The following GSTCD variants were observed in gnomAD, a reference collection of about 807,000 sequenced individuals.
GSTCD encodes glutathione S-transferase C-terminal domain-containing protein.
In GSTCD, 44 loss-of-function variants were observed where a neutral mutation model predicts 68.3. The ratio of observed to expected loss-of-function variants is 0.64; its 90% CI spans 0.51 to 0.83. The LOEUF (loss-of-function observed/expected upper bound fraction) is 0.83. Among genes scored for constraint, GSTCD ranks in the 40% least tolerant of loss-of-function variants. GSTCD has a pLI of 0.00. For missense variants in GSTCD, 739 were observed against 735.9 expected (o/e 1.00, Z -0.05); for synonymous variants, 273 against 255.2 (o/e 1.07, Z -0.67).
chr4:105,712,759 A>T (rs1732574424), intron 1 of GSTCD, among the ~76,000 whole-genome samples: 1 of 152,142 alleles, frequency 6.6e-6, no homozygotes, highest in African/African-American at 2.4e-5. Flanking sequence ...AGAAAAAAAG[A>T]AGTTGAGTGG....
rs900831535 is a variant in GSTCD, at chr4:105,794,845, A to G, written c.1241-28109A>G. On this transcript the variant is annotated intron_variant, in intron 5 of 11. Coordinates refer to ENST00000515279, the MANE Select transcript of GSTCD (RefSeq NM_001370181.1). ...CTTTTATCTATCTATCTATTTATCT[A>G]TCTATCTATCTATCTATCTATCTAT... Among the ~76,000 whole-genome samples, 8 of 88,644 alleles carry G rather than the reference A, an allele frequency of 9.0e-5. No individual in the cohort carries two copies. The East Asian group carries it at 2.0e-3, about 22-fold the overall frequency. 58.2% of individuals were successfully genotyped at this position (88,644 alleles called of 152,430 possible).
At chr4:105,765,854 T>C (rs1734584945) in intron 5 of GSTCD, among the ~76,000 whole-genome samples, 1 of 152,152 alleles carries the variant, frequency 6.6e-6, no homozygotes, top group Non-Finnish European at 1.5e-5. Flanking sequence ...CCTGCCACCA[T>C]GTGAAGAAAG....
At chr4:105,841,678 AAAAAATAC>A (rs1372616253) in intron 10 of GSTCD, among the ~76,000 whole-genome samples, 4 of 149,860 alleles carry the variant, frequency 2.7e-5, no homozygotes, top group Admixed American at 1.3e-4. Flanking sequence ...TCTATTGAAA[AAAAAATAC>A]AAAAAATACA....
chr4:105,822,566 G>A (rs933590220), intron 5 of GSTCD, among the ~76,000 whole-genome samples: 3 of 151,992 alleles, frequency 2.0e-5, no homozygotes, highest in African/African-American at 7.2e-5. Context: ...AAGATAAAGG[G>A]AGAAGACAAT....
chr4:105,775,636 G>A (rs1560823305), intron 5 of GSTCD, among the ~76,000 whole-genome samples: 1 of 152,200 alleles, frequency 6.6e-6, no homozygotes, highest in Non-Finnish European at 1.5e-5. Flanking sequence ...GTTTGCTGGA[G>A]GTCTGCTCCA....
At chr4:105,835,543 C>T (rs1305593647) in intron 9 of GSTCD, among the ~76,000 whole-genome samples, 1 of 152,038 alleles carries the variant, frequency 6.6e-6, no homozygotes, top group South Asian at 2.1e-4. Flanking sequence ...TTGGAAACGC[C>T]AGGAGCCACA....
intron 4 of GSTCD, 65 bp from the exon 5 acceptor site, chr4:105,729,341 C>T: frequency 1.1e-6 from 1 of 921,900 alleles, no homozygotes; most frequent in Non-Finnish European, 1.6e-6. Context: ...AATTTTTTAG[C>T]CTTCAATAAT....
chr4:105,801,066 C>CA (rs1251173670), intron 5 of GSTCD, among the ~76,000 whole-genome samples: 1 of 151,822 alleles, frequency 6.6e-6, no homozygotes, highest in African/African-American at 2.4e-5. Flanking sequence ...CAAAATCACC[C>CA]AAAAAAGGCA....
At chr4:105,742,314 T>C (rs1418768465) in intron 5 of GSTCD, among the ~76,000 whole-genome samples, 1 of 152,202 alleles carries the variant, frequency 6.6e-6, no homozygotes, top group Non-Finnish European at 1.5e-5. Flanking sequence ...TTTACATGTC[T>C]TTCCTTTTTT....
chr4:105,757,217 C>A (rs1342475574), intron 5 of GSTCD, among the ~76,000 whole-genome samples: 1 of 152,028 alleles, frequency 6.6e-6, no homozygotes, highest in African/African-American at 2.4e-5. Context: ...TATAATAACC[C>A]TTTATTGGAG....
chr4:105,819,428 C>T (rs987165211), intron 5 of GSTCD, among the ~76,000 whole-genome samples: 1 of 151,690 alleles, frequency 6.6e-6, no homozygotes, highest in African/African-American at 2.4e-5. Flanking sequence ...TCTTAAATAC[C>T]GTTAACTTCT....
At chr4:105,760,397 G>T (rs1734360962) in intron 5 of GSTCD, among the ~76,000 whole-genome samples, 1 of 152,070 alleles carries the variant, frequency 6.6e-6, no homozygotes, top group East Asian at 1.9e-4. Flanking sequence ...AAGAAAACAT[G>T]CTTAAAAGCA....
Position 105,756,396 on chromosome 4 carries a change from G to A in GSTCD, c.1240+26897G>A, listed in dbSNP as rs150801044. Among the ~76,000 whole-genome samples the A allele has an allele frequency of 3.5e-3, 525 of 151,816 alleles. 5 individuals carry two copies. The highest frequency in any genetic ancestry group is 0.012 in the African/African-American group (492 of 41,352). On this transcript the variant is annotated intron_variant, in intron 5 of 11. Coordinates refer to ENST00000515279, the MANE Select transcript of GSTCD (RefSeq NM_001370181.1). ...ACCCCTTGTTCAGAAGTCCACCCAAGAGTTGCCTCATTAGAACGCAAGACA... is the reference window on the plus strand; with the variant it reads ...ACCCCTTGTTCAGAAGTCCACCCAAAAGTTGCCTCATTAGAACGCAAGACA...
chr4:105,836,168 G>GTCATC (rs777906633), intron 9 of GSTCD, among the ~76,000 whole-genome samples: 19 of 152,140 alleles, frequency 1.2e-4, no homozygotes, highest in African/African-American at 4.3e-4. Context: ...CTTCAGGCAG[G>GTCATC]TCATCTCATC....
At chr4:105,818,298 T>C (rs1560844672) in intron 5 of GSTCD, among the ~76,000 whole-genome samples, 1 of 81,948 alleles carries the variant, frequency 1.2e-5, no homozygotes, top group Non-Finnish European at 3.9e-5. Flanking sequence ...AAAAAATTGT[T>C]ATTGACAAAA....
chr4:105,787,342 G>T (rs1161441202), intron 5 of GSTCD, among the ~76,000 whole-genome samples: 1 of 152,040 alleles, frequency 6.6e-6, no homozygotes, highest in Non-Finnish European at 1.5e-5. Flanking sequence ...TGGTCCAGGG[G>T]ACATGCTTTG....
At chr4:105,713,236 G>C (rs1044130685) in intron 1 of GSTCD, among the ~76,000 whole-genome samples, 1 of 152,298 alleles carries the variant, frequency 6.6e-6, no homozygotes, top group East Asian at 1.9e-4. Context: ...AGGATGGAGT[G>C]TGGATTGAGC....
intron 3 of GSTCD, 176 bp downstream of exon 3, chr4:105,719,703 A>C (rs1411616288): frequency 1.7e-6 from 1 of 572,402 alleles, no homozygotes; most frequent in Non-Finnish European, 3.1e-6. Context: ...CTAAAAGGAA[A>C]AATGTAAGGA....
chr4:105,844,119 C>T (rs929161011), intron 11 of GSTCD, among the ~76,000 whole-genome samples: 3 of 152,104 alleles, frequency 2.0e-5, no homozygotes, highest in African/African-American at 7.2e-5. Flanking sequence ...GGACTGGGAT[C>T]AAAGCCAAGG....
Sources: allele counts gnomAD v4.1 joint callset (sites outside exome capture counted in the v4.1 genomes callset), GRCh38; gene constraint gnomAD v4.1.1; transcripts MANE v1.5; gene names NCBI Gene and HGNC (gene_info 2026-07-23, HGNC 2026-07-21).